The following ABCA13 variants were observed in gnomAD, a reference collection of about 807,000 sequenced individuals.
The protein encoded by ABCA13 is ATP binding cassette subfamily A member 13.
Under a neutral mutation model 478.7 loss-of-function variants are expected in ABCA13, and 476 were observed. The ratio of observed to expected loss-of-function variants is 0.99; its 90% CI spans 0.92 to 1.07. The LOEUF (loss-of-function observed/expected upper bound fraction) is 1.07. Among genes scored for constraint, ABCA13 ranks in the 50% least tolerant of loss-of-function variants. The probability of loss-of-function intolerance (pLI) is 0.00; values close to 1 mark genes in which losing one functional copy is unlikely to be tolerated. For missense variants in ABCA13, 6,060 were observed against 5,910.6 expected (o/e 1.03, Z -0.83); for synonymous variants, 2,252 against 2,158.9 (o/e 1.04, Z -1.20).
intron 55 of ABCA13, among the ~76,000 whole-genome samples, chr7:48,542,530 G>A (rs1371666991): frequency 1.3e-5 from 2 of 151,140 alleles, no homozygotes; most frequent in South Asian, 2.1e-4. Flanking sequence ...AACTGAAGTG[G>A]CCAGAAAAAA....
intron 55 of ABCA13, among the ~76,000 whole-genome samples, chr7:48,564,248 TA>T (rs2131282441): frequency 6.6e-6 from 1 of 151,202 alleles, no homozygotes; most frequent in East Asian, 1.9e-4. Context: ...TGTAAAATAA[TA>T]ATAACCTCAA....
At chr7:48,584,914 A>T (rs951913041) in intron 56 of ABCA13, among the ~76,000 whole-genome samples, 1 of 152,160 alleles carries the variant, frequency 6.6e-6, no homozygotes, top group Admixed American at 6.5e-5. Context: ...CGACAGATAA[A>T]GCTTTCTAAC....
At chr7:48,345,166 C>T (rs1200315829) in intron 29 of ABCA13, among the ~76,000 whole-genome samples, 1 of 152,216 alleles carries the variant, frequency 6.6e-6, no homozygotes, top group Non-Finnish European at 1.5e-5. Context: ...TGTAAACAAA[C>T]CTACTGCACT....
Position 48,412,492 on chromosome 7 carries a change from C to A in ABCA13, c.12368C>A (p.Ala4123Asp). ...TYTIPKDTDKACLKGLFQALD... is the reference protein window; with the variant it reads ...TYTIPKDTDKDCLKGLFQALD... ...ACCATTCCAAAGGACACAGACAAGG[C>A]CTGCTTGAAAGGGCTCTTCCAGGCC... The change falls in exon 41 of 62, where the codon GCC (alanine) becomes GAC (aspartate). Residue 4123 changes from alanine (A) to aspartate (D), a missense_variant. Physicochemically the swap from Ala to Asp is moderately radical, Grantham distance 126 (BLOSUM62 -2). Coordinates refer to ENST00000435803, the MANE Select transcript of ABCA13 (RefSeq NM_152701.5). The A allele has an allele frequency of 6.2e-7, 1 of 1,613,500 alleles. No homozygotes were observed. Among genetic ancestry groups the A allele is most frequent in the Non-Finnish European group, 8.5e-7 (1 of 1,179,804 alleles).
intron 55 of ABCA13, among the ~76,000 whole-genome samples, chr7:48,530,577 T>C (rs1023238980): frequency 4.6e-5 from 7 of 152,186 alleles, no homozygotes; most frequent in Non-Finnish European, 8.8e-5. Context: ...CTGTTTTCTA[T>C]AGTGGTTGTA....
In ABCA13 at chr7:48,643,345, C is replaced by T. The variant is rs1365162205; in HGVS notation, c.14895C>T (p.Cys4965=). 13 of 1,613,572 alleles carry T rather than the reference C, an allele frequency of 8.1e-6. No homozygotes were observed. The highest frequency in any genetic ancestry group is 1.7e-4 in the Middle Eastern group (1 of 6,060). Residue 4965 remains cysteine (C), a synonymous_variant, in exon 60 of 62, where the codon TGC becomes TGT. Transcript: ENST00000435803. ...VWLCKEANQH[C]TVSDHLKLYF... ...TCTGTAAGGAAGCAAATCAACATTG[C>T]ACTGTTTCTGACCACTTGAAGCTTT... is the stretch of plus-strand genomic sequence containing the variant.
At chr7:48,418,028 A>G (rs886113558) in intron 41 of ABCA13, among the ~76,000 whole-genome samples, 2 of 152,126 alleles carry the variant, frequency 1.3e-5, no homozygotes, top group Non-Finnish European at 2.9e-5. Flanking sequence ...ATTTCATTGT[A>G]CCGCTGAATA....
chr7:48,594,961 T>G, intron 58 of ABCA13, 148 bp downstream of exon 58: 1 of 708,430 alleles, frequency 1.4e-6, no homozygotes, highest in Non-Finnish European at 2.3e-6. Flanking sequence ...TAGCCCTCAT[T>G]GTATAAATTG....
chr7:48,602,655 C>T (rs543987762), intron 58 of ABCA13, among the ~76,000 whole-genome samples: 68 of 152,156 alleles, frequency 4.5e-4, no homozygotes, highest in African/African-American at 1.5e-3. Context: ...AGTCAGGTAG[C>T]GTGATGCCCC....
chr7:48,273,258 G>A lies in ABCA13; in HGVS notation c.3592G>A (p.Gly1198Ser). 1.9e-6 allele frequency: 3 copies of A among 1,613,436 alleles called. No homozygotes were observed. Among genetic ancestry groups the A allele is most frequent in the African/African-American group, 1.3e-5 (1 of 74,954 alleles). Residue 1198 changes from glycine to serine, a missense_variant, in exon 17 of 62, where the codon GGT becomes AGT. Physicochemically the swap from Gly to Ser is moderately conservative, Grantham distance 56. Transcript: ENST00000435803. ...DDVKVSKSCQ[G>S]ILPTHNVARL... ...TGTGAAAGTCTCTAAAAGCTGCCAG[G>A]GTATACTTCCCACCCATAATGTTGC...
At position 48,279,541 on chromosome 7, in the gene ABCA13, A is replaced by G; in HGVS notation, c.8347A>G (p.Ser2783Gly). The part of the protein sequence containing the change: ...KTIETVLEAS[S>G]GIKSDYEGDL... Reference sequence around the variant, plus strand: ...CATAGAAACAGTTTTAGAGGCCTCCAGTGGAATTAAAAGTGACTATGAAGG... The same window carrying G: ...CATAGAAACAGTTTTAGAGGCCTCCGGTGGAATTAAAAGTGACTATGAAGG... Residue 2783 changes from serine to glycine, a missense_variant, in exon 18 of 62, where the codon AGT becomes GGT. Ser to Gly is a moderately conservative substitution (Grantham distance 56, BLOSUM62 0). This residue lies in a region of ABCA13 where 4,423 missense variants were observed against 4,309.1 expected (regional missense o/e 1.03). Coordinates refer to ENST00000435803, the MANE Select transcript of ABCA13 (RefSeq NM_152701.5). 2 of 1,613,554 alleles carry G rather than the reference A, an allele frequency of 1.2e-6. No individual in the cohort carries two copies. Among genetic ancestry groups the G allele is most frequent in the Non-Finnish European group, 1.7e-6 (2 of 1,179,672 alleles).
chr7:48,434,839 T>C (rs973939261), intron 42 of ABCA13, among the ~76,000 whole-genome samples: 8 of 151,912 alleles, frequency 5.3e-5, no homozygotes, highest in African/African-American at 1.9e-4. Flanking sequence ...TCTTCTGAGT[T>C]CTCTATTTTA....
chr7:48,554,002 A>G (rs1248477112), intron 55 of ABCA13, among the ~76,000 whole-genome samples: 1 of 151,902 alleles, frequency 6.6e-6, no homozygotes, highest in Non-Finnish European at 1.5e-5. Context: ...TTACCTTTTT[A>G]TATGATGAGA....
At chr7:48,388,100 G>A (rs1815470339) in intron 36 of ABCA13, 141 bp downstream of exon 36, 3 of 852,744 alleles carry the variant, frequency 3.5e-6, no homozygotes, top group Non-Finnish European at 5.0e-6. Context: ...TCTTGGGCTG[G>A]GAAACAGCTG....
intron 35 of ABCA13, 132 bp from the exon 36 acceptor site, chr7:48,387,690 A>AT: frequency 1.2e-6 from 1 of 804,834 alleles, no homozygotes; most frequent in Non-Finnish European, 1.8e-6. Flanking sequence ...GGGATATCAC[A>AT]TTTTGTATAT....
chr7:48,499,873 A>G (rs1449037364), intron 48 of ABCA13, among the ~76,000 whole-genome samples: 2 of 152,150 alleles, frequency 1.3e-5, no homozygotes, highest in African/African-American at 2.4e-5. Flanking sequence ...ATTGTTACCT[A>G]CCTAGAGTAC....
chr7:48,362,800 T>C (rs1033815659), intron 31 of ABCA13, among the ~76,000 whole-genome samples: 2 of 152,082 alleles, frequency 1.3e-5, no homozygotes, highest in Admixed American at 1.3e-4. Context: ...CATCATGCAA[T>C]TTTAGCTGGT....
Position 48,171,565 on chromosome 7 carries a change from C to A in ABCA13, c.69+13C>A. ...ACTCAGGAACCCGGTGAGTGCTTGC[C>A]TTGGTTTTCCATAGGGTTCCAGTGA... On this transcript the variant is annotated intron_variant, in intron 1 of 61. Transcript: ENST00000435803. 1 of 1,536,274 alleles carries A rather than the reference C, an allele frequency of 6.5e-7. No individual in the cohort carries two copies. Among genetic ancestry groups the A allele is most frequent in the South Asian group, 1.2e-5 (1 of 84,004 alleles).
intron 17 of ABCA13, 110 bp from the exon 18 acceptor site, chr7:48,277,984 G>A (rs1796518706): frequency 3.0e-6 from 1 of 329,126 alleles, no homozygotes; most frequent in South Asian, 1.4e-4. Context: ...ATCTTCCCAT[G>A]ATGCTATTAT....
Sources: gnomAD v4.1 joint callset for allele counts (sites outside exome capture counted in the v4.1 genomes callset) on GRCh38, gnomAD v4.1.1 for gene constraint, gnomAD v4.1.1 regional missense constraint, MANE v1.5 for transcripts, NCBI Gene and HGNC (gene_info 2026-07-23, HGNC 2026-07-21) for gene names.